Variants in TBC1D12 observed in about 807,000 individuals in gnomAD.
TBC1D12 encodes the protein TBC1 domain family member 12.
A neutral mutation model predicts 86.7 loss-of-function variants in TBC1D12; 56 were observed. That is an observed-to-expected ratio of 0.65 (90% CI 0.52 to 0.81). TBC1D12 has a LOEUF of 0.81. Ranked by LOEUF, TBC1D12 falls within the 30% of genes least tolerant of loss-of-function variation. The pLI is 0.00. For synonymous variants in TBC1D12, 421 were observed against 411.7 expected (o/e 1.02, Z -0.27); for missense variants, 1,023 against 1,038.8 (o/e 0.98, Z 0.21).
chr10:94,483,970 A>G (rs1304568889), intron 3 of TBC1D12, among the ~76,000 whole-genome samples: 1 of 152,162 alleles, frequency 6.6e-6, no homozygotes, highest in Non-Finnish European at 1.5e-5. Context: ...GGTGAGAGAT[A>G]GGGGTCTAGT....
rs890568276 is a variant in TBC1D12 at position 94,498,334 on chromosome 10, T to C, written c.1412+1162T>C. 4.6e-5 allele frequency among the ~76,000 whole-genome samples: 7 copies of C among 152,266 alleles called. No individual in the cohort carries two copies. The East Asian group carries it at 1.2e-3, about 25-fold the overall frequency. ...TCCCATCATCATACTTTGAGACTAA[T>C]ATACTTATCTTGCCTTTGCATTTAT... On this transcript the variant is annotated intron_variant, in intron 5 of 12. Coordinates refer to ENST00000225235, the MANE Select transcript of TBC1D12 (RefSeq NM_015188.2).
At chr10:94,502,759 A>G (rs757404186) in intron 6 of TBC1D12, among the ~76,000 whole-genome samples, 3 of 152,232 alleles carry the variant, frequency 2.0e-5, no homozygotes, top group Non-Finnish European at 4.4e-5. Context: ...ATGCTAGACA[A>G]TGGCACCACA....
intron 2 of TBC1D12, among the ~76,000 whole-genome samples, chr10:94,461,884 T>C (rs1182780417): frequency 6.6e-6 from 1 of 152,202 alleles, no homozygotes; most frequent in African/African-American, 2.4e-5. Flanking sequence ...AGGTTTTTAC[T>C]TGTTAGGATG....
chr10:94,429,765 G>C (rs556829653), intron 1 of TBC1D12, among the ~76,000 whole-genome samples: 1 of 151,410 alleles, frequency 6.6e-6, no homozygotes, highest in Non-Finnish European at 1.5e-5. Context: ...ACAGGTTCTT[G>C]CTCTGTCACT....
Position 94,511,591 on chromosome 10 carries a change from A to T in TBC1D12, c.1698A>T (p.Pro566=), listed in dbSNP as rs746402926. 1.2e-6 allele frequency: 2 copies of T among 1,610,148 alleles called. No homozygotes were observed. Among genetic ancestry groups the T allele is most frequent in the East Asian group, 4.5e-5 (2 of 44,832 alleles). Residue 566 remains proline (P), a synonymous_variant, in exon 9 of 13, where the codon CCA becomes CCT. Transcript: ENST00000225235. ...CATTTTTCTCTCCTAAGGGTGGTCC[A>T]TATCATGATGTCTTGCATAGTATTT... is the stretch of plus-strand genomic sequence containing the variant. The part of the protein sequence containing the change: ...PSLYIFQKGG[P]YHDVLHSILG...
intron 12 of TBC1D12, among the ~76,000 whole-genome samples, chr10:94,531,950 G>A (rs908103180): frequency 9.3e-5 from 14 of 150,650 alleles, no homozygotes; most frequent in African/African-American, 3.4e-4. Flanking sequence ...GTGTGATCTC[G>A]GCTCACTGCA....
chr10:94,499,627 CAT>C (rs1471884788), intron 5 of TBC1D12, among the ~76,000 whole-genome samples: 3 of 152,190 alleles, frequency 2.0e-5, no homozygotes, highest in Admixed American at 1.3e-4. Flanking sequence ...CACAGTGTGA[CAT>C]ATTATCTGAG....
intron 9 of TBC1D12, among the ~76,000 whole-genome samples, chr10:94,517,078 A>G (rs1842014631): frequency 1.3e-5 from 2 of 152,068 alleles, no homozygotes; most frequent in African/African-American, 2.4e-5. Flanking sequence ...AAAAAAATAT[A>G]TTAAAATTAT....
At chr10:94,528,822 CA>C (rs754023345) in intron 11 of TBC1D12, among the ~76,000 whole-genome samples, 1,698 of 99,680 alleles carry the variant, frequency 0.017, 15 homozygotes, top group African/African-American at 0.047. Flanking sequence ...ACTGTGTCTC[CA>C]AAAAAAAAAA....
At chr10:94,440,573 T>C (rs1475882265) in intron 1 of TBC1D12, among the ~76,000 whole-genome samples, 1 of 152,204 alleles carries the variant, frequency 6.6e-6, no homozygotes, top group African/African-American at 2.4e-5. Flanking sequence ...AATCTGCACT[T>C]TTAAGATATA....
At position 94,478,649 on chromosome 10, in the gene TBC1D12, C is replaced by T. The variant is rs186024267; in HGVS notation, c.1211+3866C>T. 5.9e-5 allele frequency among the ~76,000 whole-genome samples: 9 copies of T among 152,248 alleles called. No homozygotes were observed. In the South Asian group the frequency reaches 1.2e-3, roughly 21 times the overall value. On this transcript the variant is annotated intron_variant, in intron 3 of 12. Transcript: ENST00000225235. ...CTGAATGTAATTGCTTAATCATATA[C>T]CAATAAATCAATGATGGTGCTCTAA...
At chr10:94,464,726 C>T (rs567675340) in intron 2 of TBC1D12, among the ~76,000 whole-genome samples, 1 of 152,252 alleles carries the variant, frequency 6.6e-6, no homozygotes, top group East Asian at 1.9e-4. Flanking sequence ...TCAGTTATTA[C>T]TATACCCCCA....
At chr10:94,497,233 T>G (rs1220145491) in intron 5 of TBC1D12, 61 bp downstream of exon 5, 1 of 968,924 alleles carries the variant, frequency 1.0e-6, no homozygotes, top group East Asian at 3.2e-5. Context: ...GTTTCTTTTT[T>G]TTTTTTTAAT....
At chr10:94,445,043 C>G (rs1163444265) in intron 2 of TBC1D12, among the ~76,000 whole-genome samples, 1 of 147,972 alleles carries the variant, frequency 6.8e-6, no homozygotes, top group Non-Finnish European at 1.5e-5. Context: ...CTCACATTCC[C>G]TTTTTTATAT....
chr10:94,488,261 G>T (rs1198866115), intron 3 of TBC1D12, among the ~76,000 whole-genome samples: 1 of 151,448 alleles, frequency 6.6e-6, no homozygotes, highest in Non-Finnish European at 1.5e-5. Context: ...GGTGGCACGT[G>T]CCTGTAATCT....
intron 1 of TBC1D12, among the ~76,000 whole-genome samples, chr10:94,423,702 G>C (rs1429249940): frequency 1.3e-5 from 2 of 152,028 alleles, no homozygotes; most frequent in Non-Finnish European, 2.9e-5. Flanking sequence ...AAAAAACTTG[G>C]GGGGTCTGCT....
intron 3 of TBC1D12, among the ~76,000 whole-genome samples, chr10:94,482,057 G>A (rs78120890): frequency 2.6e-5 from 4 of 152,066 alleles, no homozygotes; most frequent in Non-Finnish European, 5.9e-5. Context: ...TATTACATAG[G>A]TAAACTCATG....
chr10:94,497,214 A>T, intron 5 of TBC1D12, 42 bp downstream of exon 5: 1 of 1,183,722 alleles, frequency 8.4e-7, no homozygotes, highest in Non-Finnish European at 1.2e-6. Flanking sequence ...TTGTCTCCGA[A>T]GATCTCATGT....
chr10:94,438,557 C>T (rs780803328), intron 1 of TBC1D12, among the ~76,000 whole-genome samples: 10 of 152,126 alleles, frequency 6.6e-5, no homozygotes, highest in Non-Finnish European at 1.0e-4. Flanking sequence ...ACTGTCCCTC[C>T]TGGCACCGGT....
Sources: allele counts gnomAD v4.1 joint callset (sites outside exome capture counted in the v4.1 genomes callset), GRCh38; gene constraint gnomAD v4.1.1; transcripts MANE v1.5; gene names NCBI Gene and HGNC (gene_info 2026-07-23, HGNC 2026-07-21).